Variants in SLC71A2 observed in about 807,000 individuals in gnomAD.
SLC71A2 encodes hippocampus abundant transcript-like 1.
At chr9:94,383,402 C>T in the SLC71A2 span, among the ~76,000 whole-genome samples, 1 of 152,138 alleles carries the variant, frequency 6.6e-6, no homozygotes, top group Non-Finnish European at 1.5e-5. Context: ...ACCTCGTTAT[C>T]CACCCATCTT....
the SLC71A2 span, chr9:94,415,325 A>G: frequency 2.9e-6 from 3 of 1,040,298 alleles, no homozygotes; most frequent in South Asian, 1.3e-5. Context: ...ATCACTGTGT[A>G]TGTCTAGATA....
chr9:94,449,573 A>G, the SLC71A2 span, among the ~76,000 whole-genome samples: 2 of 152,232 alleles, frequency 1.3e-5, no homozygotes, highest in South Asian at 2.1e-4. Context: ...ATGGCTATCA[A>G]AAAGACAGAC....
At chr9:94,381,600 C>G in the SLC71A2 span, among the ~76,000 whole-genome samples, 11 of 152,158 alleles carry the variant, frequency 7.2e-5, no homozygotes, top group African/African-American at 2.7e-4. Flanking sequence ...GTGTGCCAAT[C>G]TTTGTACAGA....
the SLC71A2 span, among the ~76,000 whole-genome samples, chr9:94,436,285 G>A: frequency 6.6e-6 from 1 of 152,154 alleles, no homozygotes; most frequent in Admixed American, 6.6e-5. Context: ...ATCCAAACTA[G>A]ATCAGTGATA....
chr9:94,460,852 T>A, the SLC71A2 span: 1 of 152,272 alleles, frequency 6.6e-6, no homozygotes, highest in South Asian at 2.1e-4. Context: ...ATAACATATC[T>A]TTTTACTATG....
chr9:94,405,823 G>T, the SLC71A2 span, among the ~76,000 whole-genome samples: 2 of 151,370 alleles, frequency 1.3e-5, no homozygotes, highest in East Asian at 3.9e-4. Flanking sequence ...TTCTCTTCTT[G>T]CAAAAAGCAT....
the SLC71A2 span, chr9:94,456,374 A>G: frequency 6.6e-7 from 1 of 1,515,064 alleles, no homozygotes; most frequent in African/African-American, 1.4e-5. Flanking sequence ...TTCTCCTTCA[A>G]CGGGAGACCT....
the SLC71A2 span, among the ~76,000 whole-genome samples, chr9:94,442,217 G>A: frequency 6.6e-6 from 1 of 152,190 alleles, no homozygotes; most frequent in Admixed American, 6.5e-5. Flanking sequence ...ACTTCCTGGA[G>A]TAGAGTAAGT....
chr9:94,391,381 A>G, the SLC71A2 span, among the ~76,000 whole-genome samples: 1 of 151,322 alleles, frequency 6.6e-6, no homozygotes, highest in East Asian at 2.0e-4. Context: ...AAAAAAAGGA[A>G]AAAGGAAAGT....
the SLC71A2 span, among the ~76,000 whole-genome samples, chr9:94,379,630 A>G: frequency 6.6e-6 from 1 of 151,696 alleles, no homozygotes; most frequent in Non-Finnish European, 1.5e-5. Context: ...GCCTCAAGTA[A>G]TCCTCCAGCC....
At chr9:94,450,343 C>G in the SLC71A2 span, among the ~76,000 whole-genome samples, 3 of 152,086 alleles carry the variant, frequency 2.0e-5, no homozygotes, top group Non-Finnish European at 4.4e-5. Context: ...GATTGGCTGT[C>G]CAGAGGTTCT....
At chr9:94,436,435 C>T in the SLC71A2 span, among the ~76,000 whole-genome samples, 1 of 152,206 alleles carries the variant, frequency 6.6e-6, no homozygotes, top group South Asian at 2.1e-4. Flanking sequence ...GGTGAGAGAA[C>T]CCAGATGACA....
At chr9:94,386,099 C>T in the SLC71A2 span, among the ~76,000 whole-genome samples, 271 of 152,186 alleles carry the variant, frequency 1.8e-3, no homozygotes, top group Non-Finnish European at 2.7e-3. Context: ...TTCCTGTGGA[C>T]ATAAATGTCT....
chr9:94,419,596 C>T, the SLC71A2 span, among the ~76,000 whole-genome samples: 1 of 152,178 alleles, frequency 6.6e-6, no homozygotes, highest in Non-Finnish European at 1.5e-5. Context: ...TGAGCCACTG[C>T]ACCCGGCCTT....
At chr9:94,457,949 G>C in the SLC71A2 span, among the ~76,000 whole-genome samples, 226 of 152,254 alleles carry the variant, frequency 1.5e-3, 1 homozygote, top group African/African-American at 4.8e-3. Context: ...CTGCCTACTG[G>C]GGACTGGTCT....
chr9:94,430,157 C>T, the SLC71A2 span, among the ~76,000 whole-genome samples: 77,298 of 150,264 alleles, frequency 0.51, 20,125 homozygotes, highest in Admixed American at 0.61. Context: ...CCTGCCTTGG[C>T]CTCCCAAAGT....
At chr9:94,429,843 A>G in the SLC71A2 span, among the ~76,000 whole-genome samples, 1 of 151,910 alleles carries the variant, frequency 6.6e-6, no homozygotes, top group African/African-American at 2.4e-5. Flanking sequence ...TTGCTTTAGT[A>G]TATAGACTTT....
chr9:94,416,848 C>G, the SLC71A2 span, among the ~76,000 whole-genome samples: 2 of 113,748 alleles, frequency 1.8e-5, no homozygotes, highest in African/African-American at 7.0e-5. Flanking sequence ...AAGCAAAACT[C>G]CATCTCAAAA....
chr9:94,456,126 T>A, the SLC71A2 span: 1 of 625,168 alleles, frequency 1.6e-6, no homozygotes. Context: ...AAAAAATAAA[T>A]AAAATGTAAC....
Sources: allele counts gnomAD v4.1 joint callset (sites outside exome capture counted in the v4.1 genomes callset), GRCh38; gene constraint gnomAD v4.1.1; transcripts MANE v1.5; gene names NCBI Gene and HGNC (gene_info 2026-07-23, HGNC 2026-07-21).